The following SHANK1 variants were observed in gnomAD, a reference collection of about 807,000 sequenced individuals.
SHANK1 encodes SH3 and multiple ankyrin repeat domains 1.
In SHANK1, 35 loss-of-function variants were observed where a neutral mutation model predicts 165.6. The ratio of observed to expected loss-of-function variants is 0.21; its 90% CI spans 0.16 to 0.28. The LOEUF (loss-of-function observed/expected upper bound fraction) is 0.28. Among genes scored for constraint, SHANK1 ranks in the 10% least tolerant of loss-of-function variants. The pLI, the probability that SHANK1 is intolerant of heterozygous loss-of-function variation, is 1.00. For synonymous variants in SHANK1, 1,428 were observed against 1,384.8 expected (o/e 1.03, Z -0.69); for missense variants, 2,681 against 3,036.4 (o/e 0.88, Z 2.75).
At chr19:50,663,037 C>T (rs924548748) in intron 23 of SHANK1, 8 of 312,148 alleles carry the variant, frequency 2.6e-5, no homozygotes, top group Non-Finnish European at 4.8e-5. Flanking sequence ...AGTTTAATCC[C>T]CACGACAGCC....
intron 8 of SHANK1, 74 bp downstream of exon 8, chr19:50,711,297 G>T: frequency 1.1e-6 from 1 of 904,682 alleles, no homozygotes. Context: ...GTCAAGAGGA[G>T]TGTCTGAGCT....
chr19:50,702,618 C>T lies in SHANK1; in HGVS notation c.1596G>A (p.Gly532=). Residue 532 remains glycine (G), a synonymous_variant, in exon 12 of 24, where the codon GGG becomes GGA. Transcript: ENST00000293441. The surrounding 1 kb of genome is among the most constrained non-coding windows in gnomAD (Gnocchi z 5.3). ...GGGAGCCCCCGGGGCCCCCTGAGCC[C>T]CCCGTGCCCCCGGCTGGCCCTTCCC... is the stretch of plus-strand genomic sequence containing the variant. The part of the protein sequence containing the change: ...TPREGPAGGT[G]GSGGPGGSLG... The T allele has an allele frequency of 3.8e-6, 6 of 1,587,118 alleles. No individual in the cohort carries two copies. The South Asian group carries it at 6.8e-5, about 18-fold the overall frequency.
chr19:50,697,190 A>C lies in SHANK1; in HGVS notation c.1938-68T>G, dbSNP rs1041996651. ...TCAGTGCACCCATCTCCTCACCCCA[A>C]TCCCACCCAGCCCTGACTGCACCCT... is the stretch of plus-strand genomic sequence containing the variant. On this transcript the variant is annotated intron_variant, in intron 14 of 23. Transcript: ENST00000293441. This position sits in a 1 kb window ranked among gnomAD's most constrained non-coding sequence, Gnocchi z 4.7. 8 of 1,612,232 alleles carry C rather than the reference A, an allele frequency of 5.0e-6. No homozygotes were observed. The highest frequency in any genetic ancestry group is 5.1e-6 in the Non-Finnish European group (6 of 1,178,810).
At position 50,690,477 on chromosome 19, in the gene SHANK1, C is replaced by G. The variant is rs553732541; in HGVS notation, c.1965-1198G>C. The stretch of plus-strand genomic sequence containing the variant: ...CTGCCTTCAGAATACCCAAGAACAC[C>G]CAGGAGTCACTGGAACGCGTGCTCT... On this transcript the variant is annotated intron_variant, in intron 15 of 23. Transcript: ENST00000293441. This position sits in a 1 kb window ranked among gnomAD's most constrained non-coding sequence, Gnocchi z 4.9. 3.9e-5 allele frequency among the ~76,000 whole-genome samples: 6 copies of G among 152,242 alleles called. No homozygotes were observed. In the East Asian group the frequency reaches 7.7e-4, roughly 20 times the overall value.
chr19:50,672,384 C>T (rs1278909554), intron 21 of SHANK1, among the ~76,000 whole-genome samples: 1 of 151,468 alleles, frequency 6.6e-6, no homozygotes, highest in Non-Finnish European at 1.5e-5. Context: ...CGTCTCTCTA[C>T]TAAAAATACA....
chr19:50,703,486 G>T lies in SHANK1; in HGVS notation c.1553+14C>A. 6.5e-7 allele frequency: 1 copy of T among 1,531,090 alleles called. No homozygotes were observed. The highest frequency in any genetic ancestry group is 2.0e-5 in the Admixed American group (1 of 50,874). 94.8% of individuals were successfully genotyped at this position (1,531,090 alleles called of 1,614,324 possible). A position where few individuals can be genotyped will look rare whatever the true frequency, so the allele number is the denominator to read the frequency against. On this transcript the variant is annotated intron_variant, in intron 11 of 23. Transcript: ENST00000293441. The stretch of plus-strand genomic sequence containing the variant: ...CGGGGCTGGGGACTGTGGAGCCAGG[G>T]CTGCCTCCCCTACCTGGGCCGGCCT...
intron 21 of SHANK1, among the ~76,000 whole-genome samples, chr19:50,673,775 A>G (rs1048054208): frequency 2.0e-5 from 3 of 152,054 alleles, no homozygotes; most frequent in Non-Finnish European, 4.4e-5. Context: ...TACCCTGGAT[A>G]ATATCGGTCT....
In SHANK1 at chr19:50,686,324, T is replaced by C; in HGVS notation, c.2490A>G (p.Gln830=). 6.2e-7 allele frequency: 1 copy of C among 1,604,806 alleles called. No individual in the cohort carries two copies. Among genetic ancestry groups the C allele is most frequent in the East Asian group, 2.3e-5 (1 of 44,156 alleles). The change falls in exon 21 of 24, where the codon CAA becomes CAG. Residue 830 remains glutamine (Q), a synonymous_variant. Coordinates refer to ENST00000293441, the MANE Select transcript of SHANK1 (RefSeq NM_016148.5). The surrounding 1 kb of genome is among the most constrained non-coding windows in gnomAD (Gnocchi z 5.7). ...NKLDEILAAA[Q]QTISASESPG... Reference sequence around the variant, plus strand: ...GGCTTTCGCTTGCACTGATGGTCTGTTGAGCTGCGGCCAGGATTTCGTCCA... The same window carrying C: ...GGCTTTCGCTTGCACTGATGGTCTGCTGAGCTGCGGCCAGGATTTCGTCCA...
In SHANK1 at chr19:50,659,864, G is replaced by A. The variant is rs1458570378; in HGVS notation, c.*2101C>T. On this transcript the variant is annotated 3_prime_UTR_variant, in exon 24 of 24. Transcript: ENST00000293441. ...GACGGGCGCCGCGCAGGCCCCCTGC[G>A]GACTGGGGGCATCCGACAAGGGGGA... Among the ~76,000 whole-genome samples the A allele has an allele frequency of 1.4e-5, 2 of 146,058 alleles. No homozygotes were observed. Among genetic ancestry groups the A allele is most frequent in the Non-Finnish European group, 3.0e-5 (2 of 66,524 alleles).
chr19:50,672,151 G>A lies in SHANK1; in HGVS notation c.2578-37C>T, dbSNP rs766416362. 11 of 1,506,624 alleles carry A rather than the reference G, an allele frequency of 7.3e-6. No individual in the cohort carries two copies. The East Asian group carries it at 2.5e-4, about 34-fold the overall frequency. The allele number at this position is 1,506,624 out of a possible 1,614,324, so 93.3% of individuals were successfully genotyped here. A position where few individuals can be genotyped will look rare whatever the true frequency, so the allele number is the denominator to read the frequency against. On this transcript the variant is annotated intron_variant, in intron 21 of 23. Transcript: ENST00000293441. ...CAGTCAGAGGGGGAGAGAGAGAAAA[G>A]ATAGAGAGAGATCAGTCAGCGCAGA...
At position 50,686,214 on chromosome 19, in the gene SHANK1, C is replaced by G. The variant is rs761373643; in HGVS notation, c.2577+23G>C. The stretch of plus-strand genomic sequence containing the variant: ...GTGAACCGCCTCCCCCCTGGCAGTT[C>G]CTCCCCACACCAGGCCGCCTACCTC... On this transcript the variant is annotated intron_variant, in intron 21 of 23. Transcript: ENST00000293441. The surrounding 1 kb of genome is among the most constrained non-coding windows in gnomAD (Gnocchi z 5.7). The G allele has an allele frequency of 1.1e-5, 16 of 1,449,882 alleles. No individual in the cohort carries two copies. Among genetic ancestry groups the G allele is most frequent in the Non-Finnish European group, 1.5e-5 (16 of 1,056,216 alleles). 89.8% of individuals were successfully genotyped at this position (1,449,882 alleles called of 1,614,324 possible).
At chr19:50,673,007 C>T (rs1390725794) in intron 21 of SHANK1, among the ~76,000 whole-genome samples, 1 of 152,150 alleles carries the variant, frequency 6.6e-6, no homozygotes, top group Non-Finnish European at 1.5e-5. Flanking sequence ...CTGGGAGGGT[C>T]ACCTGCCTGC....
chr19:50,705,706 C>T (rs2088930390), intron 8 of SHANK1, among the ~76,000 whole-genome samples: 1 of 152,166 alleles, frequency 6.6e-6, no homozygotes, highest in African/African-American at 2.4e-5. Context: ...CAGAAGCTCC[C>T]AGGTTGAGAA....
rs1019745747 is a variant in SHANK1 at position 50,666,641 on chromosome 19, G to A, written c.5319C>T (p.Ser1773=). 2 of 1,594,772 alleles carry A rather than the reference G, an allele frequency of 1.3e-6. No individual in the cohort carries two copies. Among genetic ancestry groups the A allele is most frequent in the Non-Finnish European group, 1.7e-6 (2 of 1,173,810 alleles). Residue 1773 remains serine, a synonymous_variant, in exon 23 of 24, where the codon AGC becomes AGT. Transcript: ENST00000293441. ...GGGTAACAGGGTCTCGGAGTCCCCC[G>A]CTGGGGCCAGGCCGCAGGCCTCCGC... ...GASGGLRPGP[S]GGLRDPVTPT... is the part of the protein sequence containing the mutation.
intron 12 of SHANK1, among the ~76,000 whole-genome samples, chr19:50,700,835 C>T (rs1214973091): frequency 6.6e-6 from 1 of 152,138 alleles, no homozygotes; most frequent in Non-Finnish European, 1.5e-5. Context: ...CACGTGCCTA[C>T]ATCCCAGGCA....
rs1986795900 is a variant in SHANK1 at position 50,697,990 on chromosome 19, G to A, written c.1748-34C>T. On this transcript the variant is annotated intron_variant, in intron 12 of 23. Transcript: ENST00000293441. The surrounding 1 kb of genome is among the most constrained non-coding windows in gnomAD (Gnocchi z 4.7). Reference sequence around the variant, plus strand: ...GGAACGGGGACATAGAGACATTTCTGTGTTTCTGTGCTGCCCCTCAACTGC... The same window carrying A: ...GGAACGGGGACATAGAGACATTTCTATGTTTCTGTGCTGCCCCTCAACTGC... The A allele has an allele frequency of 1.4e-6, 2 of 1,461,690 alleles. No homozygotes were observed. Among genetic ancestry groups the A allele is most frequent in the Non-Finnish European group, 1.9e-6 (2 of 1,049,592 alleles). The allele number at this position is 1,461,690 out of a possible 1,614,324, so 90.5% of individuals were successfully genotyped here. A position where few individuals can be genotyped will look rare whatever the true frequency, so the allele number is the denominator to read the frequency against.
intron 15 of SHANK1, among the ~76,000 whole-genome samples, chr19:50,691,587 A>G (rs1441215938): frequency 1.3e-5 from 2 of 152,260 alleles, no homozygotes; most frequent in Admixed American, 6.5e-5. Flanking sequence ...GCTGGGCAGT[A>G]TCTGAAGCCC....
At chr19:50,707,553 CCTT>C (rs2088954590) in intron 8 of SHANK1, among the ~76,000 whole-genome samples, 1 of 126,284 alleles carries the variant, frequency 7.9e-6, no homozygotes, top group Non-Finnish European at 1.6e-5. Context: ...AACAACCTGG[CCTT>C]CTTCTTCCTT....
chr19:50,667,860 G>T lies in SHANK1; in HGVS notation c.4100C>A (p.Ser1367Tyr), dbSNP rs1008851562. ...LAARERALKE[S>Y]SEGGGAPQPP... ...CTGGGGGGCCCCGCCGCCCTCCGAG[G>T]ACTCCTTCAGCGCTCGCTCGCGGGC... Residue 1367 changes from serine (S) to tyrosine (Y), a missense_variant, in exon 23 of 24, where the codon TCC (serine) becomes TAC (tyrosine). This residue lies in a region of SHANK1 where 1,713 missense variants were observed against 1,630.2 expected (regional missense o/e 1.05). Coordinates refer to ENST00000293441, the MANE Select transcript of SHANK1 (RefSeq NM_016148.5). The surrounding 1 kb of genome is among the most constrained non-coding windows in gnomAD (Gnocchi z 5.7). 7 of 1,304,876 alleles carry T rather than the reference G, an allele frequency of 5.4e-6. No individual in the cohort carries two copies. Among genetic ancestry groups the T allele is most frequent in the Non-Finnish European group, 6.8e-6 (7 of 1,030,846 alleles). 80.8% of individuals were successfully genotyped at this position (1,304,876 alleles called of 1,614,324 possible).
Sources: gnomAD v4.1 joint callset for allele counts (sites outside exome capture counted in the v4.1 genomes callset) on GRCh38, gnomAD v4.1.1 for gene constraint, gnomAD v4.1.1 regional missense constraint, Gnocchi (gnomAD v3.1) non-coding constraint, MANE v1.5 for transcripts, NCBI Gene and HGNC (gene_info 2026-07-23, HGNC 2026-07-21) for gene names.